CREBBP: variants seen among roughly 807,000 people sequenced by gnomAD.
CREBBP encodes the protein CREB-binding protein.
CREBBP carries 19 observed loss-of-function variants against 265.0 expected under a neutral mutation model. The ratio of observed to expected loss-of-function variants is 0.07; its 90% confidence interval spans 0.05 to 0.11. The LOEUF (loss-of-function observed/expected upper bound fraction) is 0.11, where lower values mean the gene tolerates loss of function less well. CREBBP is among the 10% of genes least tolerant of loss of function. The pLI, the probability that CREBBP is intolerant of heterozygous loss-of-function variation, is 1.00. For missense variants in CREBBP, 2,525 were observed against 3,219.0 expected, an observed-to-expected ratio of 0.78 and a Z score of 5.22; for synonymous variants, 1,457 against 1,223.7, an observed-to-expected ratio of 1.19 and a Z score of -3.98.
At chr16:3,732,358 C>T (rs2051939633) in intron 28 of CREBBP, among the ~76,000 whole-genome samples, 1 of 152,152 alleles carries the variant, frequency 6.6e-6, no homozygotes, top group Non-Finnish European at 1.5e-5. Flanking sequence ...AGGAAAGCTG[C>T]TGATGGGAAA....
At chr16:3,848,341 C>CA (rs1348171061) in intron 2 of CREBBP, among the ~76,000 whole-genome samples, 1 of 152,130 alleles carries the variant, frequency 6.6e-6, no homozygotes, top group Non-Finnish European at 1.5e-5. Flanking sequence ...TCTTGAAGTG[C>CA]AGTCCAGGGT....
Position 3,791,963 on chromosome 16 carries a change from G to T in CREBBP, c.1330+18C>A. The stretch of plus-strand genomic sequence containing the variant: ...TCTATTCTCATCTCCAAGCTTCTCT[G>T]CCCCCGTGCTCACTTACTTTGTTGG... On this transcript the variant is annotated intron_variant, in intron 5 of 30. Coordinates refer to ENST00000262367, the MANE Select transcript of CREBBP (RefSeq NM_004380.3). 6.3e-7 allele frequency: 1 copy of T among 1,576,132 alleles called. No homozygotes were observed. The highest frequency in any genetic ancestry group is 8.7e-7 in the Non-Finnish European group (1 of 1,145,368).
chr16:3,875,852 T>C (rs1022293882), intron 1 of CREBBP, among the ~76,000 whole-genome samples: 2 of 152,144 alleles, frequency 1.3e-5, no homozygotes, highest in African/African-American at 4.8e-5. Flanking sequence ...CTCTGATACA[T>C]AAAGTACCAG....
intron 3 of CREBBP, among the ~76,000 whole-genome samples, chr16:3,794,050 G>C (rs924211077): frequency 6.7e-6 from 1 of 149,944 alleles, no homozygotes; most frequent in Non-Finnish European, 1.5e-5. Context: ...AGGCCTGGCC[G>C]AGCGCGTTGG....
intron 3 of CREBBP, among the ~76,000 whole-genome samples, chr16:3,800,985 T>G (rs1463716147): frequency 6.6e-6 from 1 of 152,222 alleles, no homozygotes; most frequent in African/African-American, 2.4e-5. Flanking sequence ...CAGTCCATCT[T>G]TATTCCTCAC....
chr16:3,760,887 C>T (rs2052701372), intron 16 of CREBBP, among the ~76,000 whole-genome samples: 1 of 152,224 alleles, frequency 6.6e-6, no homozygotes, highest in Admixed American at 6.5e-5. Flanking sequence ...ATTCTCCTGC[C>T]TCAGCCTCTC....
At position 3,744,949 on chromosome 16, in the gene CREBBP, G is replaced by C. The variant is rs2151354158; in HGVS notation, c.3927C>G (p.Asp1309Glu). The change falls in exon 23 of 31, where the codon GAC becomes GAG. Residue 1309 changes from aspartate (D) to glutamate (E), a missense_variant. By Grantham distance (45) the Asp-to-Glu change is conservative. This residue lies in a region of CREBBP where 252 missense variants were observed against 452.5 expected (regional missense o/e 0.56). Transcript: ENST00000262367. Reference protein sequence around the residue: ...DIIWPSGFVCDNCLKKTGRPR... With the variant: ...DIIWPSGFVCENCLKKTGRPR... ...GTCTGCCAGTTTTCTTCAAGCAGTT[G>C]TCGCACACAAAACTGCAAAATAATA... 5 of 1,613,312 alleles carry C rather than the reference G, an allele frequency of 3.1e-6. No homozygotes were observed. The highest frequency in any genetic ancestry group is 4.2e-6 in the Non-Finnish European group (5 of 1,179,280).
Position 3,731,476 on chromosome 16 carries a change from G to A in CREBBP, c.4891-3C>T, listed in dbSNP as rs1252624789. Reference sequence around the variant, plus strand: ...TGCAGGTGGATCACGAAGAAGACCTGCAGGAGAGGAGGGGCTTTAGTCCCA... The same window carrying A: ...TGCAGGTGGATCACGAAGAAGACCTACAGGAGAGGAGGGGCTTTAGTCCCA... On this transcript the variant is annotated splice_polypyrimidine_tract_variant and splice_region_variant and intron_variant, in intron 29 of 30. Coordinates refer to ENST00000262367, the MANE Select transcript of CREBBP (RefSeq NM_004380.3). The surrounding 1 kb of genome is among the most constrained non-coding windows in gnomAD (Gnocchi z 7.7). The A allele has an allele frequency of 6.3e-7, 1 of 1,581,054 alleles. No individual in the cohort carries two copies. The highest frequency in any genetic ancestry group is 8.6e-7 in the Non-Finnish European group (1 of 1,165,500).
At chr16:3,848,718 G>A (rs2054720633) in intron 2 of CREBBP, among the ~76,000 whole-genome samples, 1 of 152,108 alleles carries the variant, frequency 6.6e-6, no homozygotes, top group Admixed American at 6.6e-5. Flanking sequence ...AGTTTTAAAA[G>A]TAAGGAGTAG....
At chr16:3,873,728 A>G (rs2055345205) in intron 1 of CREBBP, among the ~76,000 whole-genome samples, 1 of 152,110 alleles carries the variant, frequency 6.6e-6, no homozygotes, top group Non-Finnish European at 1.5e-5. Context: ...TGCCCCAAAC[A>G]TGCTCTGGCC....
chr16:3,755,189 TATATGCCATCAATGACTTC>T (rs990531104), intron 19 of CREBBP, among the ~76,000 whole-genome samples: 1 of 152,248 alleles, frequency 6.6e-6, no homozygotes, highest in East Asian at 1.9e-4. Context: ...TCAATGACTT[TATATGCCATCAATGACTTC>T]ATATGCCATC....
chr16:3,726,134 C>T lies in CREBBP; in HGVS notation c.*1584G>A, dbSNP rs183781082. On this transcript the variant is annotated 3_prime_UTR_variant, in exon 31 of 31. Transcript: ENST00000262367. ...GTCTGTCCCTCAGCATTTCCTCAAACGCCACACGGGACATGCTGCGCGGCA... is the reference window on the plus strand; with the variant it reads ...GTCTGTCCCTCAGCATTTCCTCAAATGCCACACGGGACATGCTGCGCGGCA... 25 of 233,108 alleles carry T rather than the reference C, an allele frequency of 1.1e-4. No homozygotes were observed. Among genetic ancestry groups the T allele is most frequent in the African/African-American group, 4.0e-4 (18 of 45,392 alleles). 14.4% of individuals were successfully genotyped at this position (233,108 alleles called of 1,614,324 possible). A position where few individuals can be genotyped will look rare whatever the true frequency, so the allele number is the denominator to read the frequency against.
chr16:3,831,268 C>T (rs1042795537), intron 2 of CREBBP, among the ~76,000 whole-genome samples: 18 of 152,078 alleles, frequency 1.2e-4, no homozygotes, highest in African/African-American at 4.3e-4. Flanking sequence ...TCAGCATAAT[C>T]CATGGGTCAA....
chr16:3,783,279 G>A (rs1373828083), intron 5 of CREBBP, among the ~76,000 whole-genome samples: 1 of 152,198 alleles, frequency 6.6e-6, no homozygotes, highest in Non-Finnish European at 1.5e-5. Flanking sequence ...CAAGGGAAAC[G>A]TCTGATTCTC....
At chr16:3,749,133 C>T (rs772854923) in intron 21 of CREBBP, among the ~76,000 whole-genome samples, 13 of 152,094 alleles carry the variant, frequency 8.5e-5, no homozygotes, top group South Asian at 4.1e-4. Context: ...GGGGACAGAG[C>T]GAGACTGTCT....
At position 3,808,751 on chromosome 16, in the gene CREBBP, T is replaced by C. The variant is rs559364863; in HGVS notation, c.975+1852A>G. Among the ~76,000 whole-genome samples, 4 of 152,332 alleles carry C rather than the reference T, an allele frequency of 2.6e-5. No homozygotes were observed. In the South Asian group the frequency reaches 6.2e-4, roughly 24 times the overall value. On this transcript the variant is annotated intron_variant, in intron 3 of 30. Transcript: ENST00000262367. ...AATGTTAGGTCAGGGTTTCCCTGAC[T>C]GTAAAACACAAGAAGTCTTGGAAAA...
At chr16:3,734,069 T>C (rs2051988421) in intron 28 of CREBBP, among the ~76,000 whole-genome samples, 1 of 152,240 alleles carries the variant, frequency 6.6e-6, no homozygotes, top group Non-Finnish European at 1.5e-5. Context: ...TTCTGGAGCT[T>C]TCCCTGGGCA....
intron 2 of CREBBP, among the ~76,000 whole-genome samples, chr16:3,849,481 GTGT>G (rs2054777863): frequency 7.4e-5 from 9 of 122,416 alleles, no homozygotes; most frequent in Non-Finnish European, 1.4e-4. Flanking sequence ...GTGTGTGTGT[GTGT>G]GTGTGATGTG....
intron 16 of CREBBP, 35 bp downstream of exon 16, chr16:3,767,685 G>A (rs776115262): frequency 1.2e-6 from 2 of 1,613,520 alleles, no homozygotes; most frequent in South Asian, 1.1e-5. Flanking sequence ...TGGAAAAGCA[G>A]CATGCTTTAA....
Sources: allele counts gnomAD v4.1 joint callset (sites outside exome capture counted in the v4.1 genomes callset), GRCh38; gene constraint gnomAD v4.1.1; regional missense constraint gnomAD v4.1.1; non-coding constraint Gnocchi (gnomAD v3.1); transcripts MANE v1.5; gene names NCBI Gene and HGNC (gene_info 2026-07-23, HGNC 2026-07-21).